PALLD: variants seen among roughly 807,000 people sequenced by gnomAD.
PALLD encodes the protein palladin.
PALLD carries 61 observed loss-of-function variants against 123.5 expected under a neutral mutation model. That is an observed-to-expected ratio of 0.49 (90% CI 0.40 to 0.61). The LOEUF is 0.61. Among genes scored for constraint, PALLD ranks in the 20% least tolerant of loss-of-function variants. The pLI is 0.00. For synonymous variants in PALLD, 465 were observed against 496.4 expected (o/e 0.94, Z 0.84); for missense variants, 1,273 against 1,377.0 (o/e 0.92, Z 1.20).
At chr4:168,789,040 G>T (rs1737139495) in intron 10 of PALLD, among the ~76,000 whole-genome samples, 1 of 152,074 alleles carries the variant, frequency 6.6e-6, no homozygotes, top group Non-Finnish European at 1.5e-5. Flanking sequence ...ATAATTGTAT[G>T]ATCTATGTGT....
chr4:168,598,469 G>C, intron 2 of PALLD: 1 of 589,546 alleles, frequency 1.7e-6, no homozygotes, highest in South Asian at 1.5e-5. Context: ...AACTGCAAAG[G>C]TGTTAGCAGA....
At chr4:168,700,027 T>C (rs1441350151) in intron 8 of PALLD, 2 of 306,946 alleles carry the variant, frequency 6.5e-6, no homozygotes, top group Non-Finnish European at 1.3e-5. Flanking sequence ...AGATGTCTTA[T>C]ACGTCTTTGT....
chr4:168,570,258 T>C (rs149362478), intron 2 of PALLD, among the ~76,000 whole-genome samples: 1 of 152,308 alleles, frequency 6.6e-6, no homozygotes, highest in African/African-American at 2.4e-5. Context: ...ATAGATACTG[T>C]CTTTGTAAAT....
chr4:168,904,493 G>C (rs138892523), intron 15 of PALLD, among the ~76,000 whole-genome samples: 3 of 152,080 alleles, frequency 2.0e-5, no homozygotes, highest in Non-Finnish European at 4.4e-5. Flanking sequence ...GGAGGCTGCT[G>C]GGTATCATGT....
chr4:168,533,647 G>A (rs1764818633), intron 2 of PALLD, among the ~76,000 whole-genome samples: 1 of 152,184 alleles, frequency 6.6e-6, no homozygotes. Flanking sequence ...CTGGCCTGTG[G>A]TCTGAAATGG....
chr4:168,703,971 A>G (rs1783965981), intron 8 of PALLD, among the ~76,000 whole-genome samples: 1 of 152,222 alleles, frequency 6.6e-6, no homozygotes, highest in South Asian at 2.1e-4. Context: ...GTTTTAAGAC[A>G]TGAAGTCCTT....
At chr4:168,922,096 T>TACAC (rs1464630467) in intron 18 of PALLD, among the ~76,000 whole-genome samples, 13 of 104,888 alleles carry the variant, frequency 1.2e-4, no homozygotes, top group African/African-American at 3.8e-4. Flanking sequence ...TATATATATA[T>TACAC]ATATATACAC....
intron 19 of PALLD, among the ~76,000 whole-genome samples, chr4:168,924,712 TG>T (rs1269138346): frequency 5.3e-5 from 8 of 152,336 alleles, no homozygotes; most frequent in South Asian, 4.1e-4. Context: ...CAGTGGTTTT[TG>T]TAAAGGCAGA....
chr4:168,798,142 A>T (rs1422570681), intron 10 of PALLD, among the ~76,000 whole-genome samples: 1 of 152,144 alleles, frequency 6.6e-6, no homozygotes. Context: ...ACATTCCAGC[A>T]TGCTTTCTAT....
Position 168,512,173 on chromosome 4 carries a change from T to C in PALLD, c.669T>C (p.Pro223=), listed in dbSNP as rs748418797. The C allele has an allele frequency of 1.9e-6, 3 of 1,614,040 alleles. No homozygotes were observed. The South Asian group carries it at 3.3e-5, about 18-fold the overall frequency. ...ALLSASASQS[P]MEDQGEMERE... ...TGAGTGCCTCAGCCAGCCAGAGCCC[T>C]ATGGAAGACCAAGGGGAGATGGAAA... The change falls in exon 2 of 22, where the codon CCT becomes CCC. Residue 223 remains proline (P), a synonymous_variant. Transcript: ENST00000505667.
chr4:168,912,440 C>A (rs984023021), intron 15 of PALLD, among the ~76,000 whole-genome samples: 1 of 152,122 alleles, frequency 6.6e-6, no homozygotes, highest in Non-Finnish European at 1.5e-5. Flanking sequence ...TTTTTTGCTA[C>A]TCTGCTGGTA....
intron 9 of PALLD, among the ~76,000 whole-genome samples, chr4:168,710,435 A>G (rs557970618): frequency 7.2e-4 from 110 of 152,316 alleles, no homozygotes; most frequent in African/African-American, 2.5e-3. Context: ...GTAGGGAATC[A>G]ATAAATGGGT....
intron 17 of PALLD, among the ~76,000 whole-genome samples, chr4:168,917,468 T>G (rs1468478664): frequency 6.6e-6 from 1 of 152,188 alleles, no homozygotes. Context: ...TCAAAGGAGT[T>G]TAGGGAAAAA....
chr4:168,915,286 G>A (rs1399541051), intron 16 of PALLD, among the ~76,000 whole-genome samples: 4 of 152,060 alleles, frequency 2.6e-5, no homozygotes, highest in Non-Finnish European at 4.4e-5. Flanking sequence ...ACTTTCAACT[G>A]TATTCCTCTT....
At chr4:168,790,074 C>T (rs12499557) in intron 10 of PALLD, among the ~76,000 whole-genome samples, 1 of 151,980 alleles carries the variant, frequency 6.6e-6, no homozygotes, top group Non-Finnish European at 1.5e-5. Flanking sequence ...TGCCTCTCTC[C>T]GGTTTTGTGT....
rs201573907 is a variant in PALLD, at chr4:168,600,100, TGC to T, written c.909-68089_909-68088del. Among the ~76,000 whole-genome samples the T allele has an allele frequency of 5.6e-4, 58 of 103,798 alleles. 2 individuals carry two copies. The highest frequency in any genetic ancestry group is 1.6e-3 in the African/African-American group (49 of 31,050). The allele number at this position is 103,798 out of a possible 152,430, so 68.1% of individuals were successfully genotyped here. A position where few individuals can be genotyped will look rare whatever the true frequency, so the allele number is the denominator to read the frequency against. The stretch of plus-strand genomic sequence containing the variant: ...ACACACATATATACATGCATGTGTA[TGC>T]ACACATATATATACATACATGTGTA... On this transcript the variant is annotated intron_variant, in intron 2 of 21. Transcript: ENST00000505667.
intron 10 of PALLD, among the ~76,000 whole-genome samples, chr4:168,766,225 C>T (rs1733644084): frequency 6.6e-6 from 1 of 152,214 alleles, no homozygotes; most frequent in Non-Finnish European, 1.5e-5. Context: ...GTTTTTTCCA[C>T]CTTTTTTGTA....
intron 10 of PALLD, among the ~76,000 whole-genome samples, chr4:168,802,861 T>C (rs1361174281): frequency 2.6e-5 from 4 of 152,164 alleles, no homozygotes; most frequent in Non-Finnish European, 5.9e-5. Flanking sequence ...CGGCTAATTT[T>C]ATAGTAGAGT....
At chr4:168,674,222 G>C (rs1030223821) in intron 3 of PALLD, among the ~76,000 whole-genome samples, 1 of 152,186 alleles carries the variant, frequency 6.6e-6, no homozygotes. Context: ...GCCTGAACAT[G>C]CTGTGTTTGA....
Sources: allele counts gnomAD v4.1 joint callset (sites outside exome capture counted in the v4.1 genomes callset), GRCh38; gene constraint gnomAD v4.1.1; transcripts MANE v1.5; gene names NCBI Gene and HGNC (gene_info 2026-07-23, HGNC 2026-07-21).